CHST11: variants seen among roughly 807,000 people sequenced by gnomAD.
The protein encoded by CHST11 is C4S-1.
Under a neutral mutation model 30.4 loss-of-function variants are expected in CHST11, and 9 were observed. That is an observed-to-expected ratio of 0.30 (90% CI 0.18 to 0.52). The LOEUF is 0.52. CHST11 is among the 20% of genes least tolerant of loss of function. The pLI is 0.97. For missense variants in CHST11, 348 were observed against 460.6 expected (o/e 0.76, Z 2.24); for synonymous variants, 152 against 187.8 (o/e 0.81, Z 1.56).
intron 1 of CHST11, among the ~76,000 whole-genome samples, chr12:104,473,072 T>C (rs1034680090): frequency 6.6e-6 from 1 of 152,154 alleles, no homozygotes; most frequent in Non-Finnish European, 1.5e-5. Context: ...AGGTTTAGTG[T>C]CTCCTGTTTT....
intron 2 of CHST11, among the ~76,000 whole-genome samples, chr12:104,656,378 G>A (rs907866475): frequency 1.3e-5 from 2 of 152,036 alleles, no homozygotes; most frequent in Admixed American, 1.3e-4. Flanking sequence ...GCTGAGGTGC[G>A]GTGGTCAGCC....
chr12:104,567,357 T>C (rs1279073507), intron 1 of CHST11, among the ~76,000 whole-genome samples: 1 of 152,164 alleles, frequency 6.6e-6, no homozygotes, highest in Non-Finnish European at 1.5e-5. Context: ...TGCAATCCTT[T>C]CCTAGAGGGT....
At position 104,536,731 on chromosome 12, in the gene CHST11, G is replaced by A. The variant is rs189236762; in HGVS notation, c.119-65175G>A. 1.6e-4 allele frequency among the ~76,000 whole-genome samples: 25 copies of A among 152,296 alleles called. No homozygotes were observed. In the East Asian group the frequency reaches 4.4e-3, roughly 27 times the overall value. ...GTTTATAAAACACTTGGCACAGAGC[G>A]AGGCAGATAGAAGATGGTGGTTATT... On this transcript the variant is annotated intron_variant, in intron 1 of 2. Transcript: ENST00000303694.
chr12:104,460,663 CAAAA>C (rs10570106), intron 1 of CHST11, among the ~76,000 whole-genome samples: 20 of 124,464 alleles, frequency 1.6e-4, no homozygotes, highest in African/African-American at 2.9e-4. Context: ...AACTGTGTCT[CAAAA>C]AAAAAAAAAA....
intron 1 of CHST11, among the ~76,000 whole-genome samples, chr12:104,594,490 T>A (rs313320): frequency 0.86 from 131,394 of 152,150 alleles, 56,959 homozygotes; most frequent in East Asian, 1. Flanking sequence ...GATTGAACCA[T>A]GTCTAAGCCA....
At chr12:104,702,594 G>A (rs1477925085) in intron 2 of CHST11, among the ~76,000 whole-genome samples, 2 of 152,132 alleles carry the variant, frequency 1.3e-5, no homozygotes, top group Non-Finnish European at 2.9e-5. Flanking sequence ...AGTCCCTCAG[G>A]AAGCTGCAGG....
At chr12:104,526,866 G>T (rs1490825059) in intron 1 of CHST11, among the ~76,000 whole-genome samples, 1 of 152,180 alleles carries the variant, frequency 6.6e-6, no homozygotes, top group Admixed American at 6.5e-5. Context: ...GAATAATAAG[G>T]GGTTGAGTCT....
At chr12:104,752,630 C>A (rs546805680) in intron 2 of CHST11, among the ~76,000 whole-genome samples, 6 of 152,328 alleles carry the variant, frequency 3.9e-5, no homozygotes, top group Non-Finnish European at 4.4e-5. Flanking sequence ...TGAGTTCTAG[C>A]AATTCTCCTG....
chr12:104,653,369 C>T (rs572209979), intron 2 of CHST11, among the ~76,000 whole-genome samples: 5 of 152,176 alleles, frequency 3.3e-5, no homozygotes, highest in Admixed American at 6.5e-5. Flanking sequence ...ATATGTACTG[C>T]GTTTTCTTTC....
At chr12:104,576,974 G>C (rs1372703568) in intron 1 of CHST11, among the ~76,000 whole-genome samples, 1 of 152,106 alleles carries the variant, frequency 6.6e-6, no homozygotes, top group African/African-American at 2.4e-5. Flanking sequence ...GGCATTGCAG[G>C]GGTGAGGGTG....
chr12:104,658,176 T>G (rs112467807), intron 2 of CHST11, among the ~76,000 whole-genome samples: 36 of 152,200 alleles, frequency 2.4e-4, no homozygotes, highest in African/African-American at 8.2e-4. Context: ...GCGTCTGCAA[T>G]CATTGCCATG....
At chr12:104,716,232 C>T (rs2040129885) in intron 2 of CHST11, among the ~76,000 whole-genome samples, 1 of 152,176 alleles carries the variant, frequency 6.6e-6, no homozygotes, top group Non-Finnish European at 1.5e-5. Flanking sequence ...ACCTTAGAGG[C>T]CAGAGTCACA....
chr12:104,473,391 G>A (rs1009902835), intron 1 of CHST11, among the ~76,000 whole-genome samples: 2 of 152,212 alleles, frequency 1.3e-5, no homozygotes, highest in Non-Finnish European at 2.9e-5. Flanking sequence ...GAGGGCTCTG[G>A]AAGCAGTGGC....
chr12:104,542,291 G>C (rs974809829), intron 1 of CHST11, among the ~76,000 whole-genome samples: 1 of 152,212 alleles, frequency 6.6e-6, no homozygotes, highest in Non-Finnish European at 1.5e-5. Flanking sequence ...GACTTGAATG[G>C]ATATTTGTAC....
At chr12:104,633,043 C>T (rs2039287383) in intron 2 of CHST11, among the ~76,000 whole-genome samples, 1 of 152,188 alleles carries the variant, frequency 6.6e-6, no homozygotes, top group Admixed American at 6.5e-5. Context: ...TGCTCATGGG[C>T]AGGGAGGGTG....
At chr12:104,745,910 C>T (rs556029834) in intron 2 of CHST11, among the ~76,000 whole-genome samples, 1 of 152,284 alleles carries the variant, frequency 6.6e-6, no homozygotes, top group East Asian at 1.9e-4. Context: ...TTCCTTTCTT[C>T]CTACTCAAAT....
chr12:104,691,425 T>A (rs1035159139), intron 2 of CHST11, among the ~76,000 whole-genome samples: 3 of 151,036 alleles, frequency 2.0e-5, no homozygotes, highest in African/African-American at 7.3e-5. Context: ...TTTCTCTTAA[T>A]GGTGATGTGT....
At position 104,504,454 on chromosome 12, in the gene CHST11, C is replaced by G. The variant is rs112944198; in HGVS notation, c.118+46925C>G. ...CCTCAGTGGCAGCAGGTGGGCAGCC[C>G]GTGCTGGGCTAGATGGCTGCCCTGG... On this transcript the variant is annotated intron_variant, in intron 1 of 2. Coordinates refer to ENST00000303694, the MANE Select transcript of CHST11 (RefSeq NM_018413.6). 3.9e-4 allele frequency among the ~76,000 whole-genome samples: 60 copies of G among 152,284 alleles called. 2 individuals carry two copies. The South Asian group carries it at 0.012, about 32-fold the overall frequency.
chr12:104,744,382 G>T (rs989181849), intron 2 of CHST11, among the ~76,000 whole-genome samples: 2 of 152,112 alleles, frequency 1.3e-5, no homozygotes, highest in South Asian at 2.1e-4. Flanking sequence ...TTGTATGATT[G>T]TTGGCCTCAT....
Sources: gnomAD v4.1 joint callset for allele counts (sites outside exome capture counted in the v4.1 genomes callset) on GRCh38, gnomAD v4.1.1 for gene constraint, MANE v1.5 for transcripts, NCBI Gene and HGNC (gene_info 2026-07-23, HGNC 2026-07-21) for gene names.